The following DYM variants were observed in gnomAD, a reference collection of about 807,000 sequenced individuals.
DYM encodes the protein dymeclin, also known as dyggve-Melchior-Clausen syndrome protein.
DYM carries 78 observed loss-of-function variants against 93.1 expected under a neutral mutation model. The observed-to-expected ratio is 0.84, with a 90% CI of 0.70 to 1.01. The LOEUF is 1.01. Ranked by LOEUF, DYM falls within the 50% of genes least tolerant of loss-of-function variation. DYM has a pLI of 0.00. For missense variants in DYM, 789 were observed against 845.0 expected (o/e 0.93, Z 0.82); for synonymous variants, 321 against 319.7 (o/e 1.00, Z -0.04).
At chr18:49,174,773 G>A (rs1205391039) in intron 14 of DYM, among the ~76,000 whole-genome samples, 4 of 152,108 alleles carry the variant, frequency 2.6e-5, no homozygotes, top group Non-Finnish European at 4.4e-5. Flanking sequence ...CTATGGTCAC[G>A]CTTAGCTTCA....
Position 49,276,940 on chromosome 18 carries a change from A to G in DYM, c.1126-4637T>C, listed in dbSNP as rs184583436. 2.6e-5 allele frequency among the ~76,000 whole-genome samples: 4 copies of G among 152,320 alleles called. No homozygotes were observed. The East Asian group carries it at 5.8e-4, about 22-fold the overall frequency. On this transcript the variant is annotated intron_variant, in intron 10 of 17. Coordinates refer to ENST00000675505, the MANE Select transcript of DYM (RefSeq NM_001353214.3). ...GACCAAAGGAATCGCAATGAGGAAAAAGAACACTAATACATTCCAAAGATA... is the reference window on the plus strand; with the variant it reads ...GACCAAAGGAATCGCAATGAGGAAAGAGAACACTAATACATTCCAAAGATA...
chr18:49,319,957 C>T (rs2062336071), intron 8 of DYM, among the ~76,000 whole-genome samples: 1 of 152,104 alleles, frequency 6.6e-6, no homozygotes, highest in Admixed American at 6.6e-5. Context: ...CTTTAAGGAC[C>T]ATGGTATCAC....
chr18:49,319,416 TTAATTTTGCAGG>T (rs1380770924), intron 8 of DYM, among the ~76,000 whole-genome samples: 1 of 152,138 alleles, frequency 6.6e-6, no homozygotes, highest in East Asian at 1.9e-4. Flanking sequence ...GGAAATTACA[TTAATTTTGCAGG>T]TAATTTTGCA....
At chr18:49,066,714 C>CT (rs888221441) in intron 17 of DYM, among the ~76,000 whole-genome samples, 108 of 146,468 alleles carry the variant, frequency 7.4e-4, no homozygotes, top group African/African-American at 2.2e-3. Context: ...AATTTGGATT[C>CT]TTTTTTTTTT....
intron 14 of DYM, among the ~76,000 whole-genome samples, chr18:49,202,981 C>T (rs377515420): frequency 0.048 from 4,503 of 93,324 alleles, 312 homozygotes; most frequent in East Asian, 0.25. Context: ...CCCGGCCAGC[C>T]GTGCCATCCG....
chr18:49,440,175 A>G (rs2081215917), intron 1 of DYM, among the ~76,000 whole-genome samples: 1 of 144,264 alleles, frequency 6.9e-6, no homozygotes, highest in African/African-American at 2.5e-5. Flanking sequence ...GAAAGTAAAC[A>G]TTAGTGGATC....
At chr18:49,366,797 T>C (rs2066559527) in intron 5 of DYM, among the ~76,000 whole-genome samples, 1 of 152,220 alleles carries the variant, frequency 6.6e-6, no homozygotes, top group Admixed American at 6.5e-5. Flanking sequence ...CACTTTATAC[T>C]CAATGTCATG....
intron 1 of DYM, among the ~76,000 whole-genome samples, chr18:49,445,944 A>G (rs2082056661): frequency 6.6e-6 from 1 of 152,226 alleles, no homozygotes; most frequent in Non-Finnish European, 1.5e-5. Flanking sequence ...TAAACACTAT[A>G]TTAACCAAGA....
intron 10 of DYM, among the ~76,000 whole-genome samples, chr18:49,280,968 A>C (rs1396601766): frequency 6.6e-6 from 1 of 152,198 alleles, no homozygotes; most frequent in South Asian, 2.1e-4. Context: ...TAATTAAACT[A>C]AAGAGCTTCT....
chr18:49,214,560 TA>T (rs528419205), intron 13 of DYM, among the ~76,000 whole-genome samples: 477 of 121,246 alleles, frequency 3.9e-3, no homozygotes, highest in Non-Finnish European at 3.4e-3. Flanking sequence ...AATCAATGAG[TA>T]AAAAAAAAAA....
intron 13 of DYM, among the ~76,000 whole-genome samples, chr18:49,226,450 T>C (rs1278583831): frequency 6.6e-6 from 1 of 152,186 alleles, no homozygotes; most frequent in Non-Finnish European, 1.5e-5. Flanking sequence ...TGAAGCTGGC[T>C]TGGTTCCCAG....
At chr18:49,162,485 A>G (rs1421969104) in intron 15 of DYM, among the ~76,000 whole-genome samples, 1 of 152,168 alleles carries the variant, frequency 6.6e-6, no homozygotes, top group African/African-American at 2.4e-5. Context: ...ATGCTAACCT[A>G]TTAATCCATT....
intron 14 of DYM, among the ~76,000 whole-genome samples, chr18:49,203,188 G>GC (rs1365058452): frequency 3.4e-5 from 3 of 88,650 alleles, no homozygotes; most frequent in East Asian, 3.2e-4. Context: ...TGGGGGGTCA[G>GC]CCCCCCGCCC....
intron 5 of DYM, among the ~76,000 whole-genome samples, chr18:49,372,605 C>T (rs2067145987): frequency 6.6e-6 from 1 of 152,072 alleles, no homozygotes; most frequent in South Asian, 2.1e-4. Flanking sequence ...ATTAGCCAGG[C>T]ATGGTGGCAG....
intron 2 of DYM, chr18:49,413,279 T>A (rs990653060): frequency 6.6e-6 from 1 of 152,186 alleles, no homozygotes; most frequent in East Asian, 1.9e-4. Flanking sequence ...ACAACCTTCC[T>A]AGGCCTCAGT....
At chr18:49,325,132 G>C (rs1035692219) in intron 8 of DYM, among the ~76,000 whole-genome samples, 20 of 152,138 alleles carry the variant, frequency 1.3e-4, no homozygotes, top group African/African-American at 4.8e-4. Flanking sequence ...AGGCTCCCAG[G>C]CACCTCCCAC....
intron 15 of DYM, among the ~76,000 whole-genome samples, chr18:49,158,695 G>A (rs1362099325): frequency 2.0e-5 from 3 of 152,118 alleles, no homozygotes; most frequent in Non-Finnish European, 4.4e-5. Flanking sequence ...AACGTGTGAT[G>A]TTTGTTTGTT....
At chr18:49,167,723 T>C (rs369361456) in intron 14 of DYM, among the ~76,000 whole-genome samples, 16 of 152,342 alleles carry the variant, frequency 1.1e-4, no homozygotes, top group East Asian at 7.7e-4. Flanking sequence ...ATAAATTTGA[T>C]TTTAAAAATC....
At chr18:49,279,754 G>A (rs2094926008) in intron 10 of DYM, among the ~76,000 whole-genome samples, 1 of 152,100 alleles carries the variant, frequency 6.6e-6, no homozygotes, top group African/African-American at 2.4e-5. Context: ...CAGGAAACAA[G>A]CCTTCTCTTT....
Sources: gnomAD v4.1 joint callset for allele counts (sites outside exome capture counted in the v4.1 genomes callset) on GRCh38, gnomAD v4.1.1 for gene constraint, MANE v1.5 for transcripts, NCBI Gene and HGNC (gene_info 2026-07-23, HGNC 2026-07-21) for gene names.